The following NR3C2 variants were observed in gnomAD, a reference collection of about 807,000 sequenced individuals.
NR3C2 encodes nuclear receptor subfamily 3 group C member 2, also known as mineralocorticoid receptor.
In NR3C2, 15 loss-of-function variants were observed where a neutral mutation model predicts 86.4. That is an observed-to-expected ratio of 0.17 (90% CI 0.12 to 0.27). The LOEUF is 0.27. NR3C2 is among the 10% of genes least tolerant of loss of function. The pLI, the probability that NR3C2 is intolerant of heterozygous loss-of-function variation, is 1.00. For synonymous variants in NR3C2, 458 were observed against 450.5 expected (o/e 1.02, Z -0.21); for missense variants, 960 against 1,195.6 (o/e 0.80, Z 2.91).
intron 2 of NR3C2, among the ~76,000 whole-genome samples, chr4:148,363,159 G>A (rs1002119614): frequency 6.6e-6 from 1 of 152,174 alleles, no homozygotes; most frequent in Non-Finnish European, 1.5e-5. Flanking sequence ...AATGACAGAT[G>A]CCGAAGCCCT....
intron 4 of NR3C2, among the ~76,000 whole-genome samples, chr4:148,160,596 T>C (rs1014261985): frequency 2.0e-5 from 3 of 152,136 alleles, no homozygotes; most frequent in Non-Finnish European, 4.4e-5. Context: ...ATTACAATAT[T>C]TCATTAGAAA....
At chr4:148,296,356 G>T (rs1237666868) in intron 2 of NR3C2, among the ~76,000 whole-genome samples, 1 of 151,992 alleles carries the variant, frequency 6.6e-6, no homozygotes, top group Admixed American at 6.6e-5. Context: ...AAATATTTTA[G>T]ATTGGGAAAA....
At chr4:148,129,831 G>C (rs1221694605) in intron 6 of NR3C2, among the ~76,000 whole-genome samples, 3 of 152,096 alleles carry the variant, frequency 2.0e-5, no homozygotes, top group Non-Finnish European at 2.9e-5. Flanking sequence ...CCTGACCTCA[G>C]GTGATCTGCC....
intron 2 of NR3C2, among the ~76,000 whole-genome samples, chr4:148,343,660 T>C (rs1744858197): frequency 6.6e-6 from 1 of 152,050 alleles, no homozygotes; most frequent in Non-Finnish European, 1.5e-5. Context: ...TTCCTTTAAA[T>C]GGCAAACTAA....
intron 3 of NR3C2, among the ~76,000 whole-genome samples, chr4:148,216,596 C>T (rs932209742): frequency 2.0e-5 from 3 of 152,170 alleles, no homozygotes; most frequent in African/African-American, 7.2e-5. Context: ...CAGAACCTTA[C>T]TGGAAACTTT....
chr4:148,413,249 C>T (rs1432938199), intron 2 of NR3C2, among the ~76,000 whole-genome samples: 1 of 152,136 alleles, frequency 6.6e-6, no homozygotes, highest in Non-Finnish European at 1.5e-5. Flanking sequence ...TCATCCCTAT[C>T]ACTGTGAGGA....
chr4:148,159,815 A>G (rs1734573755), intron 4 of NR3C2, among the ~76,000 whole-genome samples: 1 of 152,250 alleles, frequency 6.6e-6, no homozygotes, highest in African/African-American at 2.4e-5. Context: ...CTTAAGGAAC[A>G]TGTTTCTATT....
At chr4:148,340,002 A>G (rs1017836492) in intron 2 of NR3C2, among the ~76,000 whole-genome samples, 3 of 152,164 alleles carry the variant, frequency 2.0e-5, no homozygotes, top group Admixed American at 6.5e-5. Flanking sequence ...AAAGAAGTAA[A>G]AGATCTCTAT....
chr4:148,137,105 T>C (rs958357581), intron 6 of NR3C2, among the ~76,000 whole-genome samples: 1 of 152,190 alleles, frequency 6.6e-6, no homozygotes, highest in Non-Finnish European at 1.5e-5. Flanking sequence ...CTACTCTTTT[T>C]TGAACACATT....
At chr4:148,096,755 G>A (rs186484184) in intron 8 of NR3C2, among the ~76,000 whole-genome samples, 1 of 152,122 alleles carries the variant, frequency 6.6e-6, no homozygotes, top group East Asian at 1.9e-4. Context: ...TGTTTAGAAT[G>A]CGGCCACACT....
At chr4:148,427,087 T>C (rs537859706) in intron 2 of NR3C2, among the ~76,000 whole-genome samples, 41 of 152,192 alleles carry the variant, frequency 2.7e-4, no homozygotes, top group Admixed American at 4.6e-4. Flanking sequence ...CCTGAGTAGC[T>C]AGGATTACAG....
chr4:148,128,183 G>T (rs1431883561), intron 6 of NR3C2, among the ~76,000 whole-genome samples: 2 of 152,106 alleles, frequency 1.3e-5, no homozygotes, highest in Non-Finnish European at 2.9e-5. Context: ...CTGAACAACT[G>T]TTTTATCTAC....
intron 3 of NR3C2, among the ~76,000 whole-genome samples, chr4:148,200,744 T>C (rs1252163110): frequency 1.3e-5 from 2 of 152,230 alleles, no homozygotes; most frequent in African/African-American, 2.4e-5. Flanking sequence ...GTCACTGCTA[T>C]GCAGTAAGGA....
chr4:148,347,425 C>T (rs547431638), intron 2 of NR3C2, among the ~76,000 whole-genome samples: 1 of 152,182 alleles, frequency 6.6e-6, no homozygotes, highest in East Asian at 1.9e-4. Flanking sequence ...CCGACATCTC[C>T]TTTCACCCCT....
chr4:148,191,136 G>A (rs1217634372), intron 4 of NR3C2, among the ~76,000 whole-genome samples: 1 of 151,982 alleles, frequency 6.6e-6, no homozygotes, highest in African/African-American at 2.4e-5. Flanking sequence ...TTTGTTTCAA[G>A]ATTTAGAGCT....
chr4:148,153,362 G>C (rs1734194577), intron 5 of NR3C2, among the ~76,000 whole-genome samples: 1 of 152,158 alleles, frequency 6.6e-6, no homozygotes, highest in South Asian at 2.1e-4. Context: ...ATTTTTAGTA[G>C]AGACAGGGTT....
At chr4:148,378,153 G>T (rs1241273122) in intron 2 of NR3C2, among the ~76,000 whole-genome samples, 1 of 152,146 alleles carries the variant, frequency 6.6e-6, no homozygotes, top group Non-Finnish European at 1.5e-5. Context: ...CCTACAATCT[G>T]GTTGCTGGGG....
intron 2 of NR3C2, among the ~76,000 whole-genome samples, chr4:148,318,520 C>A (rs1345664894): frequency 6.6e-6 from 1 of 150,998 alleles, no homozygotes. Context: ...TATTTCTCCA[C>A]ATCCTCTCCA....
At chr4:148,421,064 C>T (rs1434723418) in intron 2 of NR3C2, among the ~76,000 whole-genome samples, 1 of 152,204 alleles carries the variant, frequency 6.6e-6, no homozygotes, top group African/African-American at 2.4e-5. Flanking sequence ...TTGACCAAGT[C>T]AAGTGTTTAT....
Sources: gnomAD v4.1 joint callset for allele counts (sites outside exome capture counted in the v4.1 genomes callset) on GRCh38, gnomAD v4.1.1 for gene constraint, MANE v1.5 for transcripts, NCBI Gene and HGNC (gene_info 2026-07-23, HGNC 2026-07-21) for gene names.